The following PAG1 variants were observed in gnomAD, a reference collection of about 807,000 sequenced individuals.
PAG1 encodes the protein phosphoprotein associated with glycosphingolipid-enriched microdomains 1.
In PAG1, 23 loss-of-function variants were observed where a neutral mutation model predicts 31.7. The ratio of observed to expected loss-of-function variants is 0.73; its 90% CI spans 0.52 to 1.03. The LOEUF (loss-of-function observed/expected upper bound fraction) is 1.03, where lower values mean the gene tolerates loss of function less well. Among genes scored for constraint, PAG1 ranks in the 50% least tolerant of loss-of-function variants. The pLI, the probability that PAG1 is intolerant of heterozygous loss-of-function variation, is 0.00. For missense variants in PAG1, 473 were observed against 540.7 expected, an observed-to-expected ratio of 0.87 and a Z score of 1.24; for synonymous variants, 214 against 210.3, an observed-to-expected ratio of 1.02 and a Z score of -0.15.
At chr8:81,033,748 G>C (rs1808418113) in intron 2 of PAG1, among the ~76,000 whole-genome samples, 1 of 152,212 alleles carries the variant, frequency 6.6e-6, no homozygotes, top group Non-Finnish European at 1.5e-5. Context: ...CTGAACTCTT[G>C]TTCTGGCTAA....
At chr8:80,989,780 G>A (rs1321332329) in intron 5 of PAG1, among the ~76,000 whole-genome samples, 2 of 152,092 alleles carry the variant, frequency 1.3e-5, no homozygotes, top group Admixed American at 1.3e-4. Flanking sequence ...GGGTGCTTGC[G>A]AGCCTTTTAC....
intron 2 of PAG1, among the ~76,000 whole-genome samples, chr8:81,043,141 C>A (rs917141739): frequency 6.6e-6 from 1 of 152,098 alleles, no homozygotes; most frequent in African/African-American, 2.4e-5. Context: ...CACCCCTCCT[C>A]TACTTTCCCC....
At chr8:81,046,156 T>C (rs1281137966) in intron 2 of PAG1, among the ~76,000 whole-genome samples, 1 of 152,212 alleles carries the variant, frequency 6.6e-6, no homozygotes. Flanking sequence ...TCCTAAAAAC[T>C]TACCAAGCTT....
At chr8:81,075,520 T>A (rs564521080) in intron 1 of PAG1, among the ~76,000 whole-genome samples, 1 of 152,360 alleles carries the variant, frequency 6.6e-6, no homozygotes, top group South Asian at 2.1e-4. Context: ...CGTGTATGAG[T>A]TTTACTATGA....
rs965995729 is a variant in PAG1 at position 81,004,952 on chromosome 8, T to C, written c.-80-11645A>G. On this transcript the variant is annotated intron_variant, in intron 3 of 8. Transcript: ENST00000220597. ...TGGATCCCAGGGACCAGGAAGGTGC[T>C]GTATAGAGCCTACCTCCCCCACTTT... Among the ~76,000 whole-genome samples the C allele has an allele frequency of 4.6e-5, 7 of 152,304 alleles. No homozygotes were observed. In the East Asian group the frequency reaches 1.3e-3, roughly 29 times the overall value.
At chr8:81,017,664 A>C (rs1220791655) in intron 3 of PAG1, among the ~76,000 whole-genome samples, 3 of 152,172 alleles carry the variant, frequency 2.0e-5, no homozygotes. Flanking sequence ...AAGCTACCCA[A>C]TTACAAAGAG....
At chr8:81,026,160 A>G (rs1586173276) in intron 3 of PAG1, among the ~76,000 whole-genome samples, 1 of 151,994 alleles carries the variant, frequency 6.6e-6, no homozygotes, top group East Asian at 1.9e-4. Context: ...AAGTGCTTAG[A>G]CCAGTGCTTG....
intron 3 of PAG1, among the ~76,000 whole-genome samples, chr8:81,025,295 T>C (rs1004536283): frequency 6.6e-6 from 1 of 152,192 alleles, no homozygotes. Flanking sequence ...TTCTGAGAAA[T>C]CCTGCAATAA....
At chr8:81,059,694 A>C (rs1425945614) in intron 2 of PAG1, among the ~76,000 whole-genome samples, 1 of 152,184 alleles carries the variant, frequency 6.6e-6, no homozygotes, top group Non-Finnish European at 1.5e-5. Context: ...CTCTGCAAAA[A>C]GGTCTCCCTA....
chr8:81,074,322 A>G (rs1047324867), intron 1 of PAG1, among the ~76,000 whole-genome samples: 5 of 152,186 alleles, frequency 3.3e-5, no homozygotes, highest in African/African-American at 1.2e-4. Flanking sequence ...AGTGAGGATC[A>G]TGAGGGAAGA....
At chr8:81,058,484 GC>G (rs1470752924) in intron 2 of PAG1, 3 of 152,360 alleles carry the variant, frequency 2.0e-5, no homozygotes, top group African/African-American at 7.2e-5. Context: ...GGTGGTGTGT[GC>G]CTGTAGGAGG....
intron 2 of PAG1, among the ~76,000 whole-genome samples, chr8:81,052,908 T>C (rs1808755939): frequency 6.6e-6 from 1 of 152,252 alleles, no homozygotes. Context: ...AAATATTTGC[T>C]GGATAGAACA....
chr8:81,007,524 C>T (rs9643443), intron 3 of PAG1, among the ~76,000 whole-genome samples: 1 of 141,696 alleles, frequency 7.1e-6, no homozygotes, highest in South Asian at 2.3e-4. Flanking sequence ...GTAATCCCAG[C>T]TATTCAGGAG....
At chr8:81,109,942 A>G (rs1337357891) in intron 1 of PAG1, among the ~76,000 whole-genome samples, 1 of 152,210 alleles carries the variant, frequency 6.6e-6, no homozygotes, top group Non-Finnish European at 1.5e-5. Context: ...CCATGCTTGG[A>G]TGTAATCTCT....
intron 7 of PAG1, among the ~76,000 whole-genome samples, chr8:80,980,906 T>C (rs950483539): frequency 3.3e-5 from 5 of 152,248 alleles, no homozygotes; most frequent in Admixed American, 2.0e-4. Flanking sequence ...TTAAGTCATT[T>C]GGAAACTTCA....
intron 8 of PAG1, among the ~76,000 whole-genome samples, chr8:80,978,407 C>T (rs1485143628): frequency 6.6e-6 from 1 of 152,032 alleles, no homozygotes. Context: ...AAATGGTGGT[C>T]CAAGCCAAAA....
chr8:80,985,372 A>G lies in PAG1; in HGVS notation c.280T>C (p.Ser94Pro). ...NGALTNGDIL[S>P]EDSTLTCMQH... ...ATGCAGGTCAGAGTACTGTCCTCTGAAAGAACTAAAGCAGCACACACATTA... is the reference window on the plus strand; with the variant it reads ...ATGCAGGTCAGAGTACTGTCCTCTGGAAGAACTAAAGCAGCACACACATTA... Residue 94 changes from serine to proline, a missense_variant, in exon 7 of 9, where the codon TCA (serine) becomes CCA (proline). Ser to Pro is a moderately conservative substitution (Grantham distance 74, BLOSUM62 -1). Coordinates refer to ENST00000220597, the MANE Select transcript of PAG1 (RefSeq NM_018440.4). 1.9e-6 allele frequency: 3 copies of G among 1,610,950 alleles called. No homozygotes were observed. The highest frequency in any genetic ancestry group is 2.5e-6 in the Non-Finnish European group (3 of 1,177,888).
At chr8:81,025,953 C>G (rs778888330) in intron 3 of PAG1, among the ~76,000 whole-genome samples, 12 of 152,234 alleles carry the variant, frequency 7.9e-5, no homozygotes, top group Non-Finnish European at 1.5e-4. Flanking sequence ...TAAGCAAGCT[C>G]TGCTATGGTC....
intron 8 of PAG1, among the ~76,000 whole-genome samples, chr8:80,978,590 C>G (rs886065952): frequency 6.6e-6 from 1 of 152,198 alleles, no homozygotes; most frequent in African/African-American, 2.4e-5. Context: ...CCTCAGCTTT[C>G]TTCCCCCTGG....
Sources: gnomAD v4.1 joint callset for allele counts (sites outside exome capture counted in the v4.1 genomes callset) on GRCh38, gnomAD v4.1.1 for gene constraint, MANE v1.5 for transcripts, NCBI Gene and HGNC (gene_info 2026-07-23, HGNC 2026-07-21) for gene names.